Variants in PKIB observed in about 807,000 individuals in gnomAD.
PKIB encodes cAMP-dependent protein kinase inhibitor beta, also known as PKI-beta.
PKIB carries 2 observed loss-of-function variants against 4.5 expected under a neutral mutation model. That is an observed-to-expected ratio of 0.44 (90% CI 0.18 to 1.39). The LOEUF is 1.39. Ranked by LOEUF, PKIB falls within the 40% of genes most tolerant of loss-of-function variation. The pLI is 0.27. For synonymous variants in PKIB, 38 were observed against 36.0 expected, an observed-to-expected ratio of 1.06 and a Z score of -0.20; for missense variants, 94 against 92.6, an observed-to-expected ratio of 1.02 and a Z score of -0.06.
chr6:122,653,370 G>T (rs1776640636), intron 2 of PKIB, among the ~76,000 whole-genome samples: 1 of 152,006 alleles, frequency 6.6e-6, no homozygotes, highest in Non-Finnish European at 1.5e-5. Flanking sequence ...TGCTTATGTG[G>T]AATAATGGTG....
intron 4 of PKIB, among the ~76,000 whole-genome samples, chr6:122,718,955 G>C (rs1380699276): frequency 6.6e-6 from 1 of 151,992 alleles, no homozygotes; most frequent in Non-Finnish European, 1.5e-5. Flanking sequence ...GAGTAAAAAA[G>C]CATACACATC....
rs1041424820 is a variant in PKIB at position 122,670,863 on chromosome 6, C to G, written c.-75-4215C>G. Among the ~76,000 whole-genome samples, 11 of 152,162 alleles carry G rather than the reference C, an allele frequency of 7.2e-5. No homozygotes were observed. In the South Asian group the frequency reaches 8.3e-4, roughly 11 times the overall value. The stretch of plus-strand genomic sequence containing the variant: ...TCCTCTTAAGAGTAGACTTTTAAAA[C>G]TAGGTCTTACAGTTGAAGTGGTTAA... On this transcript the variant is annotated intron_variant, in intron 2 of 4. Transcript: ENST00000368452.
At chr6:122,578,470 G>A (rs971822966) in intron 2 of PKIB, among the ~76,000 whole-genome samples, 1 of 152,004 alleles carries the variant, frequency 6.6e-6, no homozygotes, top group Non-Finnish European at 1.5e-5. Flanking sequence ...AATCTATTGT[G>A]ATGAATTATA....
rs151151718 is a variant in PKIB, at chr6:122,700,168, CTGTTGT to C, written c.-8-17598_-8-17593del. On this transcript the variant is annotated intron_variant, in intron 3 of 4. Coordinates refer to ENST00000368452, the MANE Select transcript of PKIB (RefSeq NM_181795.3). ...AATTGTAGATCTTTGTTTTAGGGTT[CTGTTGT>C]TGTTGTTGTTGTTGTTGTTGGTTCC... Among the ~76,000 whole-genome samples the C allele has an allele frequency of 1.8e-3, 268 of 149,630 alleles. 3 individuals are homozygous for C. Among genetic ancestry groups the C allele is most frequent in the Non-Finnish European group, 3.7e-4 (25 of 67,506 alleles).
intron 2 of PKIB, among the ~76,000 whole-genome samples, chr6:122,583,530 C>T (rs979993629): frequency 7.2e-5 from 11 of 152,022 alleles, no homozygotes; most frequent in Admixed American, 2.0e-4. Flanking sequence ...GGCTGTTCCA[C>T]GAAATTTTTG....
rs1047579379 is a variant in PKIB, at chr6:122,497,828, T to C, written c.-248+19889T>C. ...TAGAGGAAGAAAACTAATAAGAAAG[T>C]CTGGGCTTAAATTCAACACTTGACC... On this transcript the variant is annotated intron_variant, in intron 2 of 6. Transcript: ENST00000392491. Among the ~76,000 whole-genome samples, 7 of 152,146 alleles carry C rather than the reference T, an allele frequency of 4.6e-5. No homozygotes were observed. In the South Asian group the frequency reaches 6.2e-4, roughly 14 times the overall value.
chr6:122,536,003 G>A (rs559755114), intron 2 of PKIB, among the ~76,000 whole-genome samples: 3 of 152,212 alleles, frequency 2.0e-5, no homozygotes, highest in African/African-American at 4.8e-5. Context: ...GCGCAGTGGC[G>A]ATCTCAGCTC....
intron 3 of PKIB, among the ~76,000 whole-genome samples, chr6:122,602,566 G>A (rs1183709561): frequency 1.3e-5 from 2 of 151,944 alleles, no homozygotes; most frequent in African/African-American, 4.8e-5. Context: ...TAGAGTATAA[G>A]GGTAATTCCT....
intron 3 of PKIB, among the ~76,000 whole-genome samples, chr6:122,675,492 G>A (rs924790296): frequency 2.0e-5 from 3 of 152,176 alleles, no homozygotes; most frequent in African/African-American, 7.2e-5. Flanking sequence ...CAATGAGAAG[G>A]AAGAGAAAAA....
intron 1 of PKIB, among the ~76,000 whole-genome samples, chr6:122,631,134 T>A (rs1289552724): frequency 6.6e-6 from 1 of 152,196 alleles, no homozygotes; most frequent in Non-Finnish European, 1.5e-5. Context: ...TACATTTCTT[T>A]CATTTAAAAC....
intron 2 of PKIB, among the ~76,000 whole-genome samples, chr6:122,490,960 A>C (rs1428248599): frequency 6.6e-6 from 1 of 152,164 alleles, no homozygotes; most frequent in Non-Finnish European, 1.5e-5. Flanking sequence ...CAGTGAATCT[A>C]TACTGGTCTC....
chr6:122,596,900 A>T (rs1053908837), intron 3 of PKIB, among the ~76,000 whole-genome samples: 2 of 152,210 alleles, frequency 1.3e-5, no homozygotes, highest in African/African-American at 4.8e-5. Context: ...CTTTCGGGTC[A>T]CTTGATAAAT....
chr6:122,573,336 T>C (rs1773426716), intron 2 of PKIB, among the ~76,000 whole-genome samples: 1 of 151,912 alleles, frequency 6.6e-6, no homozygotes, highest in South Asian at 2.1e-4. Flanking sequence ...AAAACCAGCC[T>C]GGACAACATG....
At chr6:122,617,508 T>A (rs1257535795) in intron 1 of PKIB, among the ~76,000 whole-genome samples, 6 of 152,182 alleles carry the variant, frequency 3.9e-5, no homozygotes, top group Non-Finnish European at 7.4e-5. Context: ...AAAATAAACC[T>A]TTCAGTATTC....
chr6:122,484,904 C>T (rs1192838337), intron 2 of PKIB, among the ~76,000 whole-genome samples: 2 of 152,190 alleles, frequency 1.3e-5, no homozygotes, highest in Non-Finnish European at 2.9e-5. Flanking sequence ...GCGCCAGAAA[C>T]AATAGATGAG....
intron 2 of PKIB, among the ~76,000 whole-genome samples, chr6:122,565,677 C>G (rs1773168670): frequency 6.6e-6 from 1 of 152,170 alleles, no homozygotes; most frequent in Admixed American, 6.5e-5. Context: ...GTAAAAAACA[C>G]TAACTTCCCT....
intron 2 of PKIB, among the ~76,000 whole-genome samples, chr6:122,582,068 T>G (rs947326063): frequency 2.0e-5 from 3 of 152,100 alleles, no homozygotes; most frequent in Admixed American, 1.3e-4. Flanking sequence ...ACATAGCAGT[T>G]GCTTGAAAAA....
At chr6:122,604,856 C>A (rs1210504349) in intron 3 of PKIB, among the ~76,000 whole-genome samples, 1 of 152,162 alleles carries the variant, frequency 6.6e-6, no homozygotes, top group African/African-American at 2.4e-5. Flanking sequence ...GGGAGAGACA[C>A]ATGACTACAA....
chr6:122,724,156 A>T (rs1047135243), intron 4 of PKIB, among the ~76,000 whole-genome samples: 1 of 152,214 alleles, frequency 6.6e-6, no homozygotes, highest in African/African-American at 2.4e-5. Flanking sequence ...AAGAGAAGAT[A>T]GTATGTGGAA....
Sources: gnomAD v4.1 joint callset for allele counts (sites outside exome capture counted in the v4.1 genomes callset) on GRCh38, gnomAD v4.1.1 for gene constraint, MANE v1.5 for transcripts, NCBI Gene and HGNC (gene_info 2026-07-23, HGNC 2026-07-21) for gene names.